TRAPPC9: variants seen among roughly 807,000 people sequenced by gnomAD.
TRAPPC9 encodes the protein trafficking protein particle complex subunit 9.
Under a neutral mutation model 124.0 loss-of-function variants are expected in TRAPPC9, and 83 were observed. The ratio of observed to expected loss-of-function variants is 0.67; its 90% CI spans 0.56 to 0.80. TRAPPC9 has a LOEUF of 0.80. TRAPPC9 is among the 30% of genes least tolerant of loss of function. The pLI is 0.00. For synonymous variants in TRAPPC9, 638 were observed against 617.5 expected (o/e 1.03, Z -0.49); for missense variants, 1,302 against 1,508.3 (o/e 0.86, Z 2.27).
chr8:140,351,322 C>T (rs540202096), intron 9 of TRAPPC9, among the ~76,000 whole-genome samples: 15 of 151,378 alleles, frequency 9.9e-5, no homozygotes, highest in African/African-American at 2.2e-4. Context: ...TTCAACCAAC[C>T]GAGGATTGAA....
intron 15 of TRAPPC9, among the ~76,000 whole-genome samples, chr8:140,268,010 A>T (rs58006010): frequency 1.3e-5 from 2 of 151,852 alleles, no homozygotes; most frequent in African/African-American, 4.8e-5. Flanking sequence ...TAACTCTATC[A>T]AAGTACAAAG....
intron 21 of TRAPPC9, among the ~76,000 whole-genome samples, chr8:139,783,474 A>G (rs2130541693): frequency 6.6e-6 from 1 of 152,336 alleles, no homozygotes; most frequent in African/African-American, 2.4e-5. Context: ...AAGTTCACTA[A>G]AGAAGAAACA....
chr8:140,367,729 T>C (rs891311258), intron 8 of TRAPPC9, among the ~76,000 whole-genome samples: 4 of 152,016 alleles, frequency 2.6e-5, no homozygotes, highest in African/African-American at 9.7e-5. Flanking sequence ...ACTACGAACT[T>C]TGGGTGATGA....
intron 17 of TRAPPC9, among the ~76,000 whole-genome samples, chr8:140,145,719 G>T (rs909151926): frequency 1.9e-4 from 28 of 149,644 alleles, no homozygotes; most frequent in African/African-American, 5.9e-4. Flanking sequence ...TTTTGTTTTT[G>T]TTTTTTTTTA....
chr8:140,458,367 G>A (rs1170781649), upstream of TRAPPC9: 1 of 1,590,888 alleles, frequency 6.3e-7, no homozygotes, highest in Non-Finnish European at 8.5e-7. Context: ...GTGGATCCCT[G>A]CGGCACCCCC....
At chr8:140,457,870 A>G (rs1292463218), upstream of TRAPPC9, 9 of 889,632 alleles carry the variant, frequency 1.0e-5, no homozygotes, top group Admixed American at 4.6e-5. Context: ...AAGAGGAAGG[A>G]GGAGCGAGGG....
intron 16 of TRAPPC9, among the ~76,000 whole-genome samples, chr8:140,251,729 T>G (rs1347069617): frequency 2.0e-5 from 3 of 152,170 alleles, no homozygotes; most frequent in Non-Finnish European, 4.4e-5. Flanking sequence ...GCCCCCTCTA[T>G]GAGATGAGTG....
rs757896994 is a variant in TRAPPC9, at chr8:140,360,130, C to T, written c.1415G>A (p.Arg472Gln). The T allele has an allele frequency of 4.3e-6, 7 of 1,614,074 alleles. No individual in the cohort carries two copies. Among genetic ancestry groups the T allele is most frequent in the Non-Finnish European group, 5.1e-6 (6 of 1,180,046 alleles). ...AGAGAGGGCAGGGTTCCCCATCCTT[C>T]GGGAGGCGTAGACCAATTCATGGAG... ...RLLHELVYAS[R>Q]RMGNPALSVR... The change falls in exon 9 of 23, where the codon CGA becomes CAA. Residue 472 changes from arginine (R) to glutamine (Q), a missense_variant. Around this residue, in one of 3 missense-constraint regions of TRAPPC9, gnomAD observed 657 missense variants for 811.2 expected, o/e 0.81. Transcript: ENST00000438773.
intron 19 of TRAPPC9, among the ~76,000 whole-genome samples, chr8:139,936,196 G>A (rs1207413938): frequency 6.6e-6 from 1 of 152,206 alleles, no homozygotes; most frequent in Non-Finnish European, 1.5e-5. Flanking sequence ...AGCGCCACAG[G>A]CCAACAAACC....
chr8:140,335,794 C>T (rs1317813643), intron 9 of TRAPPC9, among the ~76,000 whole-genome samples: 7 of 151,074 alleles, frequency 4.6e-5, no homozygotes, highest in Admixed American at 1.3e-4. Context: ...AAAACCTCCA[C>T]CTCCTGGGTT....
chr8:140,129,415 G>A (rs892795849), intron 17 of TRAPPC9, among the ~76,000 whole-genome samples: 2 of 152,160 alleles, frequency 1.3e-5, no homozygotes, highest in African/African-American at 4.8e-5. Flanking sequence ...GCCCAAACAG[G>A]CCATGTGAAG....
intron 15 of TRAPPC9, among the ~76,000 whole-genome samples, chr8:140,264,787 A>G (rs2064563462): frequency 6.6e-6 from 1 of 152,170 alleles, no homozygotes; most frequent in Non-Finnish European, 1.5e-5. Context: ...AAGCCAAACC[A>G]TCAGTCTTGG....
rs541390790 is a variant in TRAPPC9, at chr8:139,801,901, C to T, written c.3056-69699G>A. Among the ~76,000 whole-genome samples the T allele has an allele frequency of 2.6e-5, 4 of 152,318 alleles. No individual in the cohort carries two copies. The South Asian group carries it at 8.3e-4, about 32-fold the overall frequency. On this transcript the variant is annotated intron_variant, in intron 21 of 22. Coordinates refer to ENST00000438773, the MANE Select transcript of TRAPPC9 (RefSeq NM_001160372.4). Reference sequence around the variant, plus strand: ...CTCTCGGTAACCTCCTAATCCAGGACTGGGCCTGCAGAATCCGCCAGGGAG... The same window carrying T: ...CTCTCGGTAACCTCCTAATCCAGGATTGGGCCTGCAGAATCCGCCAGGGAG...
intron 19 of TRAPPC9, among the ~76,000 whole-genome samples, chr8:139,949,429 T>A (rs1396548870): frequency 6.6e-6 from 1 of 152,122 alleles, no homozygotes; most frequent in African/African-American, 2.4e-5. Context: ...CATTTCCATA[T>A]AAAAACGCAC....
chr8:139,768,993 G>A (rs974966817), intron 21 of TRAPPC9, among the ~76,000 whole-genome samples: 1 of 152,186 alleles, frequency 6.6e-6, no homozygotes, highest in Non-Finnish European at 1.5e-5. Flanking sequence ...GCCAAGGAGC[G>A]AGGCCTCAGA....
In TRAPPC9 at chr8:139,918,270, C is replaced by G. The variant is rs537507285; in HGVS notation, c.2811-7970G>C. ...ATCAGGAAACGGTGGCCTCTTGCTG[C>G]AGAGGTGGCTTCTCCGAAGAGGGAT... On this transcript the variant is annotated intron_variant, in intron 19 of 22. Transcript: ENST00000438773. 4.6e-5 allele frequency among the ~76,000 whole-genome samples: 7 copies of G among 152,346 alleles called. No individual in the cohort carries two copies. The East Asian group carries it at 1.2e-3, about 25-fold the overall frequency.
chr8:140,027,650 T>C (rs898287477), intron 17 of TRAPPC9, among the ~76,000 whole-genome samples: 1 of 152,212 alleles, frequency 6.6e-6, no homozygotes, highest in Non-Finnish European at 1.5e-5. Flanking sequence ...AGAAAAGTTG[T>C]ATTACTCCAT....
At chr8:140,314,524 G>A (rs896809805) in intron 9 of TRAPPC9, among the ~76,000 whole-genome samples, 12 of 152,050 alleles carry the variant, frequency 7.9e-5, no homozygotes, top group Non-Finnish European at 1.8e-4. Flanking sequence ...TCACCCAACC[G>A]TGCATTAGAA....
intron 18 of TRAPPC9, among the ~76,000 whole-genome samples, chr8:140,017,864 TAC>T (rs1162422322): frequency 6.6e-6 from 1 of 152,262 alleles, no homozygotes; most frequent in East Asian, 1.9e-4. Flanking sequence ...TTTTTTTTGA[TAC>T]AGAGTCTCGT....
Sources: allele counts gnomAD v4.1 joint callset (sites outside exome capture counted in the v4.1 genomes callset), GRCh38; gene constraint gnomAD v4.1.1; regional missense constraint gnomAD v4.1.1; transcripts MANE v1.5; gene names NCBI Gene and HGNC (gene_info 2026-07-23, HGNC 2026-07-21).